The following DDX60L variants were observed in gnomAD, a reference collection of about 807,000 sequenced individuals.
DDX60L encodes the protein DExD/H-box 60 like.
Under a neutral mutation model 211.6 loss-of-function variants are expected in DDX60L, and 191 were observed. The observed-to-expected ratio is 0.90, with a 90% CI of 0.80 to 1.02. The LOEUF is 1.02. DDX60L is among the 50% of genes least tolerant of loss of function. The pLI is 0.00. For synonymous variants in DDX60L, 706 were observed against 694.1 expected, an observed-to-expected ratio of 1.02 and a Z score of -0.27; for missense variants, 2,007 against 1,984.1, an observed-to-expected ratio of 1.01 and a Z score of -0.22.
Position 168,378,471 on chromosome 4 carries a change from T to C in DDX60L, c.4368A>G (p.Ser1456=), listed in dbSNP as rs765283987. The C allele has an allele frequency of 1.3e-6, 2 of 1,558,872 alleles. No individual in the cohort carries two copies. The highest frequency in any genetic ancestry group is 1.7e-6 in the Non-Finnish European group (2 of 1,150,740). The part of the protein sequence containing the change: ...HNLCKPAWKG[S]QQFSQDVMEK... ...CCATCACATCTTGGGAAAATTGTTG[T>C]GAGCCTATTGAAATAAAGAGCATTA... Residue 1456 remains serine, a synonymous_variant, in exon 33 of 38, where the codon TCA becomes TCG. Coordinates refer to ENST00000682922, the MANE Select transcript of DDX60L (RefSeq NM_001012967.3).
At chr4:168,407,650 G>A (rs1327070018) in intron 22 of DDX60L, among the ~76,000 whole-genome samples, 1 of 152,136 alleles carries the variant, frequency 6.6e-6, no homozygotes, top group Non-Finnish European at 1.5e-5. Flanking sequence ...AAATATACTT[G>A]AGGAAGGAAC....
At chr4:168,472,064 A>G (rs1473326905) in intron 3 of DDX60L, 128 bp from the exon 4 acceptor site, 5 of 673,022 alleles carry the variant, frequency 7.4e-6, no homozygotes, top group Non-Finnish European at 1.2e-5. Context: ...ATGCCTTTTC[A>G]AATACCTCAT....
intron 31 of DDX60L, 49 bp from the exon 32 acceptor site, chr4:168,379,553 AC>A: frequency 1.5e-6 from 2 of 1,373,982 alleles, no homozygotes; most frequent in Non-Finnish European, 2.0e-6. Flanking sequence ...GTACTCAAAT[AC>A]CATAAAATAC....
Position 168,461,876 on chromosome 4 carries a change from C to G in DDX60L, c.429G>C (p.Leu143=). 1 of 1,611,300 alleles carries G rather than the reference C, an allele frequency of 6.2e-7. No individual in the cohort carries two copies. The highest frequency in any genetic ancestry group is 1.1e-5 in the South Asian group (1 of 90,552). Residue 143 remains leucine, a synonymous_variant, in exon 5 of 38, where the codon CTG becomes CTC. Coordinates refer to ENST00000682922, the MANE Select transcript of DDX60L (RefSeq NM_001012967.3). ...CACTCAGGCCTTCCTCTGAAACTAT[C>G]AGAAAATACGGGTAATGCTGTTCCA... is the stretch of plus-strand genomic sequence containing the variant. ...LFLEQHYPYF[L]IVSEEGLSDL...
chr4:168,422,587 C>T lies in DDX60L; in HGVS notation c.2181G>A (p.Leu727=). ...RFQLQYMGHY[L]IRDERKDRDP... The stretch of plus-strand genomic sequence containing the variant: ...CCCGATCTTTTCTTTCATCTCTTAT[C>T]AAGTAATGGCCCATGTATTGCAGTT... Residue 727 remains leucine, a synonymous_variant, in exon 16 of 38, where the codon TTG becomes TTA. Transcript: ENST00000682922. 1 of 1,613,546 alleles carries T rather than the reference C, an allele frequency of 6.2e-7. No individual in the cohort carries two copies. Among genetic ancestry groups the T allele is most frequent in the South Asian group, 1.1e-5 (1 of 90,914 alleles).
At chr4:168,451,968 C>A (rs1428196908) in intron 8 of DDX60L, among the ~76,000 whole-genome samples, 1 of 152,200 alleles carries the variant, frequency 6.6e-6, no homozygotes, top group African/African-American at 2.4e-5. Flanking sequence ...CCTTTCCAGA[C>A]TGGGTTGTAT....
chr4:168,450,438 C>G (rs1043920967), intron 8 of DDX60L, among the ~76,000 whole-genome samples: 1 of 149,308 alleles, frequency 6.7e-6, no homozygotes, highest in African/African-American at 2.5e-5. Flanking sequence ...TCAGGGGAGA[C>G]TGAATTGAAT....
At chr4:168,389,775 T>A (rs1560969267) in intron 29 of DDX60L, among the ~76,000 whole-genome samples, 1 of 152,206 alleles carries the variant, frequency 6.6e-6, no homozygotes, top group Non-Finnish European at 1.5e-5. Context: ...GTCAAAATAC[T>A]GACATGAAGT....
At chr4:168,441,250 C>T (rs1050486690) in intron 10 of DDX60L, 87 bp downstream of exon 10, 4 of 1,288,500 alleles carry the variant, frequency 3.1e-6, no homozygotes, top group Non-Finnish European at 4.3e-6. Flanking sequence ...AAATTATTTA[C>T]ACTTGGAAGA....
chr4:168,432,590 A>AT lies in DDX60L; in HGVS notation c.1401-21dup. On this transcript the variant is annotated intron_variant, in intron 11 of 37. Transcript: ENST00000682922. The stretch of plus-strand genomic sequence containing the variant: ...TCATCACTGTAAAAATAAATACATA[A>AT]TTTTTTTAAATTTTAAGCTTTTCAA... 1.4e-6 allele frequency: 2 copies of AT among 1,404,344 alleles called. No homozygotes were observed. Among genetic ancestry groups the AT allele is most frequent in the South Asian group, 1.5e-5 (1 of 68,102 alleles). 87.0% of individuals were successfully genotyped at this position (1,404,344 alleles called of 1,614,324 possible).
chr4:168,446,307 G>T (rs2150026166), intron 9 of DDX60L, among the ~76,000 whole-genome samples: 1 of 152,134 alleles, frequency 6.6e-6, no homozygotes, highest in African/African-American at 2.4e-5. Context: ...AAAATACCTA[G>T]GAATCCAACT....
At chr4:168,448,001 A>C (rs1294464803) in intron 9 of DDX60L, among the ~76,000 whole-genome samples, 1 of 151,906 alleles carries the variant, frequency 6.6e-6, no homozygotes, top group Non-Finnish European at 1.5e-5. Flanking sequence ...CACAATGTGC[A>C]CATGTACCCT....
intron 37 of DDX60L, among the ~76,000 whole-genome samples, chr4:168,360,645 G>C (rs1240276583): frequency 6.6e-6 from 1 of 152,222 alleles, no homozygotes; most frequent in African/African-American, 2.4e-5. Flanking sequence ...TGCCCACATA[G>C]AGTTCATATT....
At chr4:168,469,217 A>T (rs1021077864) in intron 4 of DDX60L, 2 of 152,176 alleles carry the variant, frequency 1.3e-5, no homozygotes, top group Non-Finnish European at 2.9e-5. Flanking sequence ...AAATCCTTTG[A>T]TGGAACATAG....
At chr4:168,375,914 GCCC>G in intron 33 of DDX60L, among the ~76,000 whole-genome samples, 1 of 152,170 alleles carries the variant, frequency 6.6e-6, no homozygotes, top group African/African-American at 2.4e-5. Flanking sequence ...GTGCTTTGCT[GCCC>G]CAAGCACTTG....
At chr4:168,445,363 G>A (rs983792825) in intron 9 of DDX60L, among the ~76,000 whole-genome samples, 1 of 144,920 alleles carries the variant, frequency 6.9e-6, no homozygotes, top group African/African-American at 2.5e-5. Context: ...CCAATAACAG[G>A]AGCTGAAATT....
Position 168,456,055 on chromosome 4 carries a change from A to T in DDX60L, c.821T>A (p.Met274Lys). 1 of 1,588,340 alleles carries T rather than the reference A, an allele frequency of 6.3e-7. No homozygotes were observed. The change falls in exon 7 of 38, where the codon ATG becomes AAG. Residue 274 changes from methionine (M) to lysine (K), a missense_variant. Transcript: ENST00000682922. ...CVTSCSLSLRMYHRVLVHSNC... is the reference protein window; with the variant it reads ...CVTSCSLSLRKYHRVLVHSNC... ...TTTACTTACTAAGACACGATGGTACATTCTCAAGGATAGTGAACATGAAGT... is the reference window on the plus strand; with the variant it reads ...TTTACTTACTAAGACACGATGGTACTTTCTCAAGGATAGTGAACATGAAGT...
chr4:168,404,749 G>C (rs1029916240), intron 24 of DDX60L, among the ~76,000 whole-genome samples: 1 of 151,700 alleles, frequency 6.6e-6, no homozygotes. Flanking sequence ...TTTTTAATCA[G>C]AAAAAATAAA....
intron 5 of DDX60L, among the ~76,000 whole-genome samples, chr4:168,459,778 A>AGGAAGGAAGGAG: frequency 9.9e-6 from 1 of 101,228 alleles, no homozygotes. Context: ...GAAGGAGGGA[A>AGGAAGGAAGGAG]GGAAGGAAGG....
Sources: allele counts gnomAD v4.1 joint callset (sites outside exome capture counted in the v4.1 genomes callset), GRCh38; gene constraint gnomAD v4.1.1; transcripts MANE v1.5; gene names NCBI Gene and HGNC (gene_info 2026-07-23, HGNC 2026-07-21).